The following BST1 variants were observed in gnomAD, a reference collection of about 807,000 sequenced individuals.
BST1 encodes bone marrow stromal cell antigen 1.
In BST1, 49 loss-of-function variants were observed where a neutral mutation model predicts 40.6. The ratio of observed to expected loss-of-function variants is 1.21; its 90% CI spans 0.96 to 1.53. The LOEUF is 1.53. Ranked by LOEUF, BST1 falls within the 40% of genes most tolerant of loss-of-function variation. BST1 has a pLI of 0.00. For synonymous variants in BST1, 157 were observed against 159.3 expected (o/e 0.99, Z 0.11); for missense variants, 423 against 395.9 (o/e 1.07, Z -0.58).
At chr4:15,755,908 A>C in the BST1 span, among the ~76,000 whole-genome samples, 6 of 152,242 alleles carry the variant, frequency 3.9e-5, no homozygotes, top group African/African-American at 1.4e-4. Flanking sequence ...GCTTCCAGGG[A>C]ATAAAGGTAA....
intron 8 of BST1, among the ~76,000 whole-genome samples, chr4:15,727,368 T>G (rs1330778350): frequency 6.6e-6 from 1 of 152,220 alleles, no homozygotes; most frequent in Non-Finnish European, 1.5e-5. Context: ...TTCCTTTGAA[T>G]GTCAAGGATA....
chr4:15,741,259 G>A (rs1404106458), downstream of BST1, among the ~76,000 whole-genome samples: 1 of 152,116 alleles, frequency 6.6e-6, no homozygotes, highest in African/African-American at 2.4e-5. Context: ...CAGCTAGAGT[G>A]GACAGGCCAG....
At chr4:15,714,392 A>G (rs1013108747) in intron 4 of BST1, among the ~76,000 whole-genome samples, 1 of 152,132 alleles carries the variant, frequency 6.6e-6, no homozygotes, top group Admixed American at 6.5e-5. Flanking sequence ...GACCTGTCTC[A>G]CCCTTGGGAA....
At chr4:15,723,748 T>C in intron 8 of BST1, 3 of 495,598 alleles carry the variant, frequency 6.1e-6, no homozygotes, top group Non-Finnish European at 7.8e-6. Flanking sequence ...TTTTAAATTT[T>C]GATATGTTCT....
downstream of BST1, among the ~76,000 whole-genome samples, chr4:15,742,479 T>C (rs182254199): frequency 4.5e-3 from 684 of 152,334 alleles, 3 homozygotes; most frequent in Non-Finnish European, 4.6e-3. Context: ...CAGATACAGA[T>C]GCCTAATCTT....
chr4:15,715,281 G>A lies in BST1; in HGVS notation c.535-4G>A, dbSNP rs532719144. 4.1e-5 allele frequency: 66 copies of A among 1,613,478 alleles called. No homozygotes were observed. The highest frequency in any genetic ancestry group is 1.3e-4 in the South Asian group (12 of 91,034). On this transcript the variant is annotated splice_polypyrimidine_tract_variant and splice_region_variant and intron_variant, in intron 4 of 8. Coordinates refer to ENST00000265016, the MANE Select transcript of BST1 (RefSeq NM_004334.3). ...TTGCTAAAAATACTTGGTTCTTCTCGTAGTATTCCAAGGATAGTTCTGGGG... is the reference window on the plus strand; with the variant it reads ...TTGCTAAAAATACTTGGTTCTTCTCATAGTATTCCAAGGATAGTTCTGGGG...
At chr4:15,754,019 T>G in the BST1 span, among the ~76,000 whole-genome samples, 1 of 152,104 alleles carries the variant, frequency 6.6e-6, no homozygotes, top group African/African-American at 2.4e-5. Context: ...GAGAGCCTCC[T>G]GGGGCTGGAT....
chr4:15,773,217 C>T, the BST1 span, among the ~76,000 whole-genome samples: 3 of 152,106 alleles, frequency 2.0e-5, no homozygotes, highest in East Asian at 1.9e-4. Context: ...TAGGAACTGT[C>T]GTTCATGTGG....
At chr4:15,771,864 A>G in the BST1 span, among the ~76,000 whole-genome samples, 1 of 152,234 alleles carries the variant, frequency 6.6e-6, no homozygotes, top group Admixed American at 6.5e-5. Flanking sequence ...CATACTATAC[A>G]GTAGAATTCT....
intron 8 of BST1, among the ~76,000 whole-genome samples, chr4:15,728,486 C>G (rs535086012): frequency 3.4e-4 from 45 of 131,968 alleles, no homozygotes; most frequent in South Asian, 4.7e-4. Context: ...GGTTATCGCT[C>G]TGTCACCCAG....
intron 7 of BST1, among the ~76,000 whole-genome samples, chr4:15,722,482 C>G (rs973272645): frequency 6.6e-6 from 1 of 152,172 alleles, no homozygotes; most frequent in Non-Finnish European, 1.5e-5. Flanking sequence ...GGCTGGAGTG[C>G]AGTGGTGCGA....
At chr4:15,703,717 G>GGT (rs777541148) in intron 1 of BST1, among the ~76,000 whole-genome samples, 84 of 127,794 alleles carry the variant, frequency 6.6e-4, no homozygotes, top group Non-Finnish European at 9.5e-4. Flanking sequence ...TAGAGGTGGG[G>GGT]GTGTGTGTGT....
At chr4:15,748,417 G>C in the BST1 span, among the ~76,000 whole-genome samples, 1 of 152,076 alleles carries the variant, frequency 6.6e-6, no homozygotes, top group Non-Finnish European at 1.5e-5. Flanking sequence ...AGTAAGAGGG[G>C]GAGAAAGCGA....
chr4:15,716,467 C>T (rs955418197), intron 6 of BST1, among the ~76,000 whole-genome samples: 1 of 152,168 alleles, frequency 6.6e-6, no homozygotes, highest in Non-Finnish European at 1.5e-5. Context: ...AGAACAGTCC[C>T]TCCGTGCTAC....
the BST1 span, among the ~76,000 whole-genome samples, chr4:15,756,160 G>C: frequency 6.6e-6 from 1 of 152,048 alleles, no homozygotes; most frequent in Non-Finnish European, 1.5e-5. Flanking sequence ...AAAACAAGGG[G>C]GAAAAACCGA....
the BST1 span, among the ~76,000 whole-genome samples, chr4:15,754,126 T>C: frequency 1.3e-5 from 2 of 151,804 alleles, no homozygotes; most frequent in African/African-American, 4.8e-5. Context: ...TCAGTGGAGA[T>C]TGAAAAGAGA....
chr4:15,711,336 A>C (rs978626292), intron 3 of BST1, among the ~76,000 whole-genome samples: 2 of 152,176 alleles, frequency 1.3e-5, no homozygotes, highest in African/African-American at 4.8e-5. Flanking sequence ...CAATTGTATA[A>C]AATTTCTGTT....
the BST1 span, among the ~76,000 whole-genome samples, chr4:15,749,677 T>C: frequency 1.0e-4 from 15 of 146,432 alleles, no homozygotes; most frequent in African/African-American, 3.9e-4. Flanking sequence ...AAGAGTACTT[T>C]TTATTATTTG....
intron 2 of BST1, among the ~76,000 whole-genome samples, 197 bp downstream of exon 2, chr4:15,705,838 A>G (rs1719851574): frequency 6.6e-6 from 1 of 152,248 alleles, no homozygotes; most frequent in Non-Finnish European, 1.5e-5. Flanking sequence ...TCACATTGCT[A>G]TAAAGAAATG....
Sources: allele counts gnomAD v4.1 joint callset (sites outside exome capture counted in the v4.1 genomes callset), GRCh38; gene constraint gnomAD v4.1.1; transcripts MANE v1.5; gene names NCBI Gene and HGNC (gene_info 2026-07-23, HGNC 2026-07-21).